Variants in TMEM74 observed in about 807,000 individuals in gnomAD.
TMEM74 encodes transmembrane protein 74.
In TMEM74, 13 loss-of-function variants were observed where a neutral mutation model predicts 18.1. The observed-to-expected ratio is 0.72, with a 90% CI of 0.47 to 1.14. TMEM74 has a LOEUF of 1.14. TMEM74 is among the 50% of genes most tolerant of loss of function. The pLI, the probability that TMEM74 is intolerant of heterozygous loss-of-function variation, is 0.00. For synonymous variants in TMEM74, 159 were observed against 146.6 expected, an observed-to-expected ratio of 1.08 and a Z score of -0.61; for missense variants, 372 against 375.9, an observed-to-expected ratio of 0.99 and a Z score of 0.09.
chr8:108,662,330 G>T (rs1050614696), intron 1 of TMEM74, among the ~76,000 whole-genome samples: 1 of 152,034 alleles, frequency 6.6e-6, no homozygotes, highest in Non-Finnish European at 1.5e-5. Flanking sequence ...CAGATAGGCA[G>T]TGAGGGAACA....
At chr8:108,657,839 T>C (rs1343803328) in intron 1 of TMEM74, among the ~76,000 whole-genome samples, 12 of 24,048 alleles carry the variant, frequency 5.0e-4, no homozygotes, top group African/African-American at 2.4e-3. Context: ...TGAGACACCG[T>C]CTCAAAAAAA....
At position 108,779,755 on chromosome 8, in the gene TMEM74, G is replaced by A. The variant is rs921638578; in HGVS notation, c.*4426C>T. ...TATAACTATAAAATATAGTCCAAAT[G>A]CACATAGACTTGAGTGCACATAAAT... is the stretch of plus-strand genomic sequence containing the variant. On this transcript the variant is annotated 3_prime_UTR_variant, in exon 2 of 2. Transcript: ENST00000297459. Among the ~76,000 whole-genome samples, 3 of 152,116 alleles carry A rather than the reference G, an allele frequency of 2.0e-5. No homozygotes were observed. The highest frequency in any genetic ancestry group is 4.4e-5 in the Non-Finnish European group (3 of 68,010).
At chr8:108,770,939 C>T (rs753014355) in intron 1 of TMEM74, among the ~76,000 whole-genome samples, 77 of 152,056 alleles carry the variant, frequency 5.1e-4, no homozygotes, top group Non-Finnish European at 1.0e-3. Flanking sequence ...AGAATCAATC[C>T]CATTTTTCTG....
chr8:108,765,366 A>G (rs1814092972), intron 1 of TMEM74, among the ~76,000 whole-genome samples: 1 of 149,270 alleles, frequency 6.7e-6, no homozygotes, highest in Non-Finnish European at 1.5e-5. Context: ...GGGACCCCAT[A>G]GGCAACACAA....
At chr8:108,770,752 A>G (rs1203273962) in intron 1 of TMEM74, among the ~76,000 whole-genome samples, 1 of 152,210 alleles carries the variant, frequency 6.6e-6, no homozygotes, top group Non-Finnish European at 1.5e-5. Flanking sequence ...TACAGGAAGC[A>G]GTCTCATTTT....
At chr8:108,728,961 G>A (rs1278190381) in intron 1 of TMEM74, among the ~76,000 whole-genome samples, 1 of 152,192 alleles carries the variant, frequency 6.6e-6, no homozygotes, top group Non-Finnish European at 1.5e-5. Context: ...TTAGAAGTGC[G>A]AGAATTATAA....
chr8:108,645,873 C>T (rs928349963), intron 2 of TMEM74, among the ~76,000 whole-genome samples: 14 of 152,062 alleles, frequency 9.2e-5, no homozygotes, highest in Non-Finnish European at 1.5e-5. Context: ...AACAACACAG[C>T]AGAAAGGGTT....
At chr8:108,718,246 C>A (rs1304201117) in intron 1 of TMEM74, among the ~76,000 whole-genome samples, 4 of 71,112 alleles carry the variant, frequency 5.6e-5, no homozygotes, top group Non-Finnish European at 9.0e-5. Context: ...GCGTGAGCCA[C>A]CGCGCCCGGC....
chr8:108,734,989 C>T (rs1055552495), intron 1 of TMEM74, among the ~76,000 whole-genome samples: 1 of 152,126 alleles, frequency 6.6e-6, no homozygotes, highest in African/African-American at 2.4e-5. Context: ...CTGTTGATAC[C>T]CTAATGACTC....
At chr8:108,742,558 C>T (rs1813812493) in intron 1 of TMEM74, among the ~76,000 whole-genome samples, 1 of 152,122 alleles carries the variant, frequency 6.6e-6, no homozygotes, top group Non-Finnish European at 1.5e-5. Flanking sequence ...TGAAAAGTTG[C>T]CTCATTTCTT....
chr8:108,680,897 G>C (rs990964278), intron 1 of TMEM74, among the ~76,000 whole-genome samples: 3 of 152,150 alleles, frequency 2.0e-5, no homozygotes, highest in Non-Finnish European at 4.4e-5. Context: ...GCCAAATCAT[G>C]AGTGAACTCC....
chr8:108,758,138 A>T (rs1813999603), intron 1 of TMEM74, among the ~76,000 whole-genome samples: 3 of 152,026 alleles, frequency 2.0e-5, no homozygotes, highest in Admixed American at 2.0e-4. Context: ...AGTTCCAGAA[A>T]TAGCTTGGAG....
Position 108,768,924 on chromosome 8 carries a change from G to A in TMEM74, n.119+18552C>T, listed in dbSNP as rs150290697. Among the ~76,000 whole-genome samples the A allele has an allele frequency of 7.9e-5, 12 of 152,154 alleles. No homozygotes were observed. The East Asian group carries it at 1.7e-3, about 22-fold the overall frequency. On this transcript the variant is annotated intron_variant and non_coding_transcript_variant, in intron 1 of 3. Transcript: ENST00000518838. Reference sequence around the variant, plus strand: ...GGACCCTTTGACCTGAGGCTGTTACGTATGACTGACTTGTATGCAAGGTTT... The same window carrying A: ...GGACCCTTTGACCTGAGGCTGTTACATATGACTGACTTGTATGCAAGGTTT...
At chr8:108,657,892 A>T (rs1256527411) in intron 1 of TMEM74, among the ~76,000 whole-genome samples, 1 of 121,978 alleles carries the variant, frequency 8.2e-6, no homozygotes, top group Non-Finnish European at 1.7e-5. Context: ...ATATATATAT[A>T]TATATATATA....
chr8:108,710,173 C>T, intron 1 of TMEM74, among the ~76,000 whole-genome samples: 1 of 152,220 alleles, frequency 6.6e-6, no homozygotes, highest in East Asian at 1.9e-4. Context: ...AATGTTAGCT[C>T]TAATTATGTT....
At chr8:108,776,656 A>G (rs543662785), downstream of TMEM74, among the ~76,000 whole-genome samples, 18 of 152,214 alleles carry the variant, frequency 1.2e-4, no homozygotes, top group African/African-American at 4.3e-4. Flanking sequence ...ATGAAGGGAG[A>G]TGTAAATTTC....
chr8:108,699,180 C>CCTTCCTTCCTTT (rs1227020915), intron 1 of TMEM74, among the ~76,000 whole-genome samples: 2 of 95,262 alleles, frequency 2.1e-5, no homozygotes, highest in African/African-American at 9.8e-5. Flanking sequence ...TTCCTTCCTT[C>CCTTCCTTCCTTT]CTTCCTCCCT....
At chr8:108,752,762 CT>C (rs1563542669) in intron 1 of TMEM74, among the ~76,000 whole-genome samples, 1 of 152,116 alleles carries the variant, frequency 6.6e-6, no homozygotes, top group Non-Finnish European at 1.5e-5. Context: ...TGTTCTTACA[CT>C]TTTGTAAGCA....
rs535924054 is a variant in TMEM74, at chr8:108,780,345, G to A, written c.*3836C>T. 2.0e-5 allele frequency among the ~76,000 whole-genome samples: 3 copies of A among 152,150 alleles called. No homozygotes were observed. The highest frequency in any genetic ancestry group is 3.9e-4 in the East Asian group (2 of 5,170). ...TTTGCATACACCTATCATTGCACAC[G>A]TGAAAGATGAAGACCAAAATGTTCA... On this transcript the variant is annotated 3_prime_UTR_variant, in exon 2 of 2. Transcript: ENST00000297459.
Sources: gnomAD v4.1 joint callset for allele counts (sites outside exome capture counted in the v4.1 genomes callset) on GRCh38, gnomAD v4.1.1 for gene constraint, MANE v1.5 for transcripts, NCBI Gene and HGNC (gene_info 2026-07-23, HGNC 2026-07-21) for gene names.